LRMDA: variants seen among roughly 807,000 people sequenced by gnomAD.
LRMDA encodes the protein leucine-rich melanocyte differentiation-associated protein.
LRMDA carries 18 observed loss-of-function variants against 29.8 expected under a neutral mutation model. That is an observed-to-expected ratio of 0.60 (90% CI 0.42 to 0.90). The LOEUF (loss-of-function observed/expected upper bound fraction) is 0.90, where lower values mean the gene tolerates loss of function less well. Among genes scored for constraint, LRMDA ranks in the 40% least tolerant of loss-of-function variants. The pLI, the probability that LRMDA is intolerant of heterozygous loss-of-function variation, is 0.00. For synonymous variants in LRMDA, 125 were observed against 109.4 expected (o/e 1.14, Z -0.89); for missense variants, 273 against 273.9 (o/e 1.00, Z 0.02).
chr10:75,493,354 T>TGC (rs1201791104), intron 2 of LRMDA, among the ~76,000 whole-genome samples: 12 of 147,752 alleles, frequency 8.1e-5, no homozygotes, highest in East Asian at 8.0e-4. Context: ...ATTGGGTGTG[T>TGC]GTGTGTGTGT....
intron 2 of LRMDA, among the ~76,000 whole-genome samples, chr10:75,576,946 G>T (rs1445513071): frequency 6.6e-6 from 1 of 152,156 alleles, no homozygotes; most frequent in African/African-American, 2.4e-5. Context: ...AGTGCAAAAA[G>T]GCTGAAAATT....
intron 2 of LRMDA, among the ~76,000 whole-genome samples, chr10:75,478,820 T>C (rs1844824861): frequency 6.6e-6 from 1 of 152,216 alleles, no homozygotes; most frequent in African/African-American, 2.4e-5. Flanking sequence ...GTAACAGTGA[T>C]GGTGAGTTAG....
intron 2 of LRMDA, among the ~76,000 whole-genome samples, chr10:75,603,096 G>A (rs897856031): frequency 6.6e-6 from 1 of 151,946 alleles, no homozygotes; most frequent in Non-Finnish European, 1.5e-5. Flanking sequence ...ACTAAAGAGG[G>A]CCCTTATATC....
chr10:76,213,268 A>C (rs1851668418), intron 5 of LRMDA, among the ~76,000 whole-genome samples: 1 of 152,234 alleles, frequency 6.6e-6, no homozygotes, highest in African/African-American at 2.4e-5. Context: ...TTCAGACTGT[A>C]TATGAGATTG....
chr10:76,161,758 A>C (rs990050044), intron 5 of LRMDA, among the ~76,000 whole-genome samples: 2 of 152,202 alleles, frequency 1.3e-5, no homozygotes, highest in Non-Finnish European at 2.9e-5. Flanking sequence ...GAAGGGGAAC[A>C]AGATAGACCT....
chr10:75,506,545 G>C (rs1022688651), intron 2 of LRMDA, among the ~76,000 whole-genome samples: 2 of 152,096 alleles, frequency 1.3e-5, no homozygotes, highest in Non-Finnish European at 2.9e-5. Flanking sequence ...AGGAGCTCAT[G>C]GGCCAGTGGC....
At chr10:76,149,043 A>G (rs928225322) in intron 5 of LRMDA, among the ~76,000 whole-genome samples, 3 of 152,098 alleles carry the variant, frequency 2.0e-5, no homozygotes, top group African/African-American at 7.2e-5. Flanking sequence ...GTGTATATAC[A>G]TTTTCTCCAG....
chr10:76,165,591 ACT>A (rs1356003197), intron 5 of LRMDA, among the ~76,000 whole-genome samples: 1 of 152,172 alleles, frequency 6.6e-6, no homozygotes, highest in Non-Finnish European at 1.5e-5. Flanking sequence ...GGTTTAATTG[ACT>A]CACAGTTCCT....
chr10:75,851,769 T>C (rs1844736857), intron 2 of LRMDA, among the ~76,000 whole-genome samples: 2 of 152,206 alleles, frequency 1.3e-5, no homozygotes, highest in Admixed American at 1.3e-4. Flanking sequence ...ATGCTCCTAT[T>C]AATTATTTTG....
At chr10:75,480,783 T>C (rs1274455731) in intron 2 of LRMDA, among the ~76,000 whole-genome samples, 6 of 152,092 alleles carry the variant, frequency 3.9e-5, no homozygotes, top group African/African-American at 1.2e-4. Context: ...TAGGAGGTTG[T>C]AGAGTCTTCC....
chr10:76,367,971 G>T (rs890345526), intron 6 of LRMDA, among the ~76,000 whole-genome samples: 1 of 152,040 alleles, frequency 6.6e-6, no homozygotes, highest in Non-Finnish European at 1.5e-5. Flanking sequence ...TCTTAGTGAG[G>T]TTATTTGGAT....
intron 6 of LRMDA, among the ~76,000 whole-genome samples, chr10:76,372,384 G>A (rs1271247180): frequency 6.6e-6 from 1 of 152,174 alleles, no homozygotes; most frequent in African/African-American, 2.4e-5. Flanking sequence ...AGGCTGAGCG[G>A]GGCAGATCAT....
At chr10:76,289,233 AC>A (rs1315160664) in intron 5 of LRMDA, among the ~76,000 whole-genome samples, 1 of 152,172 alleles carries the variant, frequency 6.6e-6, no homozygotes, top group Non-Finnish European at 1.5e-5. Flanking sequence ...GAGAAAAGAA[AC>A]AAAAAGTGGA....
intron 2 of LRMDA, among the ~76,000 whole-genome samples, chr10:75,603,858 A>G (rs1840919417): frequency 2.0e-5 from 3 of 152,234 alleles, no homozygotes; most frequent in Admixed American, 1.3e-4. Flanking sequence ...TTCCCTATGC[A>G]TAAATACTGT....
At chr10:75,530,980 G>A (rs1291123790) in intron 2 of LRMDA, among the ~76,000 whole-genome samples, 13 of 152,182 alleles carry the variant, frequency 8.5e-5, no homozygotes, top group Non-Finnish European at 1.5e-5. Context: ...TTTATTGAAT[G>A]GGGACTATTT....
chr10:76,317,419 G>A (rs915521994), intron 5 of LRMDA, among the ~76,000 whole-genome samples: 2 of 152,012 alleles, frequency 1.3e-5, no homozygotes, highest in African/African-American at 2.4e-5. Context: ...TGATAGGACA[G>A]ATTGAAAAAT....
chr10:76,022,388 C>T (rs566007381), intron 2 of LRMDA, among the ~76,000 whole-genome samples: 27 of 152,320 alleles, frequency 1.8e-4, no homozygotes, highest in Admixed American at 1.6e-3. Context: ...TAGGCCTCAA[C>T]GGCAGCTCTT....
intron 5 of LRMDA, among the ~76,000 whole-genome samples, chr10:76,244,242 G>T (rs1463128418): frequency 6.6e-6 from 1 of 152,174 alleles, no homozygotes; most frequent in Non-Finnish European, 1.5e-5. Flanking sequence ...GACCGTGAAA[G>T]CTCACCCAAC....
intron 2 of LRMDA, among the ~76,000 whole-genome samples, chr10:75,518,136 A>G (rs916357447): frequency 2.0e-5 from 3 of 152,186 alleles, no homozygotes; most frequent in Non-Finnish European, 2.9e-5. Flanking sequence ...ATCGATGTTC[A>G]TCAGTGATAT....
Sources: gnomAD v4.1 joint callset for allele counts (sites outside exome capture counted in the v4.1 genomes callset) on GRCh38, gnomAD v4.1.1 for gene constraint, MANE v1.5 for transcripts, NCBI Gene and HGNC (gene_info 2026-07-23, HGNC 2026-07-21) for gene names.